ZSWIM3: variants seen among roughly 807,000 people sequenced by gnomAD.
The protein encoded by ZSWIM3 is zinc finger SWIM domain-containing protein 3.
In ZSWIM3, 27 loss-of-function variants were observed where a neutral mutation model predicts 47.5. The ratio of observed to expected loss-of-function variants is 0.57; its 90% CI spans 0.42 to 0.78. The LOEUF is 0.78. Ranked by LOEUF, ZSWIM3 falls within the 30% of genes least tolerant of loss-of-function variation. The pLI is 0.00. For synonymous variants in ZSWIM3, 333 were observed against 333.9 expected (o/e 1.00, Z 0.03); for missense variants, 689 against 861.3 (o/e 0.80, Z 2.50).
intron 1 of ZSWIM3, among the ~76,000 whole-genome samples, chr20:45,869,069 TG>T (rs1457424106): frequency 2.0e-5 from 3 of 152,098 alleles, no homozygotes; most frequent in Admixed American, 6.5e-5. Context: ...CCCAAAGTGC[TG>T]GGATTACAGG....
At chr20:45,873,231 G>T (rs1002488745) in intron 1 of ZSWIM3, among the ~76,000 whole-genome samples, 1 of 152,096 alleles carries the variant, frequency 6.6e-6, no homozygotes, top group African/African-American at 2.4e-5. Context: ...GTGAAACCCC[G>T]TCTCTACTAA....
At chr20:45,873,391 A>G (rs904904301) in intron 1 of ZSWIM3, among the ~76,000 whole-genome samples, 1 of 152,138 alleles carries the variant, frequency 6.6e-6, no homozygotes, top group African/African-American at 2.4e-5. Flanking sequence ...ACAAGAGTGA[A>G]ACGCCATCTC....
At chr20:45,868,187 G>A (rs1985889475) in intron 1 of ZSWIM3, among the ~76,000 whole-genome samples, 1 of 152,132 alleles carries the variant, frequency 6.6e-6, no homozygotes, top group Non-Finnish European at 1.5e-5. Flanking sequence ...AAACTTGTAG[G>A]ACTAGGCGAA....
intron 1 of ZSWIM3, among the ~76,000 whole-genome samples, chr20:45,862,043 A>AATAC (rs1218554644): frequency 6.6e-6 from 1 of 152,156 alleles, no homozygotes; most frequent in Non-Finnish European, 1.5e-5. Flanking sequence ...TAAATAAATA[A>AATAC]AAAGTGTTTT....
intron 1 of ZSWIM3, among the ~76,000 whole-genome samples, chr20:45,870,674 A>G (rs1163775078): frequency 6.6e-6 from 1 of 152,024 alleles, no homozygotes; most frequent in Non-Finnish European, 1.5e-5. Context: ...AAGGTCACAT[A>G]GCTAAGTGGA....
rs1326940443 is a variant in ZSWIM3 at position 45,878,873 on chromosome 20, GT to G, written c.*226del. On this transcript the variant is annotated 3_prime_UTR_variant, in exon 2 of 2. Transcript: ENST00000255152. The stretch of plus-strand genomic sequence containing the variant: ...GCATTCCTTGGGAGCCTCAGTTGTT[GT>G]TCAAGGCCAAAGTTATCTCCGTGCT... 5.4e-6 allele frequency: 3 copies of G among 555,692 alleles called. No individual in the cohort carries two copies. Among genetic ancestry groups the G allele is most frequent in the Non-Finnish European group, 9.1e-6 (3 of 328,162 alleles). 34.4% of individuals were successfully genotyped at this position (555,692 alleles called of 1,614,324 possible).
At chr20:45,867,733 G>A (rs1314946653) in intron 1 of ZSWIM3, among the ~76,000 whole-genome samples, 1 of 152,050 alleles carries the variant, frequency 6.6e-6, no homozygotes, top group African/African-American at 2.4e-5. Flanking sequence ...TTTTTATGAC[G>A]GTTGTTTTTC....
rs559236892 is a variant in ZSWIM3 at position 45,867,860 on chromosome 20, T to C, written c.156-8854T>C. 6.2e-4 allele frequency among the ~76,000 whole-genome samples: 94 copies of C among 152,312 alleles called. No individual in the cohort carries two copies. The South Asian group carries it at 6.4e-3, about 10-fold the overall frequency. ...TTTGTAAACACTTTGTTGGAGCTCATTCCTTCTCTGCTAGGAACTTTACAA... is the reference window on the plus strand; with the variant it reads ...TTTGTAAACACTTTGTTGGAGCTCACTCCTTCTCTGCTAGGAACTTTACAA... On this transcript the variant is annotated intron_variant, in intron 1 of 1. Transcript: ENST00000255152.
At position 45,876,820 on chromosome 20, in the gene ZSWIM3, CTAGA is replaced by C; in HGVS notation, c.267_270del (p.Arg90TyrfsTer6). ...CTTGCTCCTAAGGTACAACGAGAGA[CTAGA>C]TAGACTATTTATCAGTGAACTAAAC... On this transcript the variant is annotated frameshift_variant, in exon 2 of 2. Coordinates refer to ENST00000255152, the MANE Select transcript of ZSWIM3 (RefSeq NM_080752.4). LOFTEE classifies it high-confidence loss of function. 6.2e-7 allele frequency: 1 copy of C among 1,614,168 alleles called. No individual in the cohort carries two copies.
intron 1 of ZSWIM3, among the ~76,000 whole-genome samples, chr20:45,862,368 A>C (rs1985730702): frequency 1.3e-5 from 2 of 151,674 alleles, no homozygotes; most frequent in Non-Finnish European, 2.9e-5. Flanking sequence ...GGAAGGTCTC[A>C]ATCTCCTGAC....
At position 45,878,799 on chromosome 20, in the gene ZSWIM3, C is replaced by G; in HGVS notation, c.*150C>G. ...TGTTACAGTAGAGAGGAAGGGAACT[C>G]CACTGTGTGACAGTCCTTTCAATCT... is the stretch of plus-strand genomic sequence containing the variant. On this transcript the variant is annotated 3_prime_UTR_variant, in exon 2 of 2. Transcript: ENST00000255152. 2 of 1,024,578 alleles carry G rather than the reference C, an allele frequency of 2.0e-6. No homozygotes were observed. Among genetic ancestry groups the G allele is most frequent in the Admixed American group, 2.9e-5 (1 of 34,054 alleles). 63.5% of individuals were successfully genotyped at this position (1,024,578 alleles called of 1,614,324 possible). A position where few individuals can be genotyped will look rare whatever the true frequency, so the allele number is the denominator to read the frequency against.
chr20:45,867,487 G>A (rs1985875715), intron 1 of ZSWIM3, among the ~76,000 whole-genome samples: 1 of 152,152 alleles, frequency 6.6e-6, no homozygotes, highest in Non-Finnish European at 1.5e-5. Context: ...TTTGTCTATA[G>A]TTGATTCCTT....
At chr20:45,858,463 C>A (rs572507951) in intron 1 of ZSWIM3, among the ~76,000 whole-genome samples, 4 of 152,182 alleles carry the variant, frequency 2.6e-5, no homozygotes, top group Middle Eastern at 3.2e-3. Flanking sequence ...GCTCACTGAG[C>A]CTTCAACTGC....
At chr20:45,865,625 T>C (rs1985819799) in intron 1 of ZSWIM3, among the ~76,000 whole-genome samples, 1 of 152,190 alleles carries the variant, frequency 6.6e-6, no homozygotes, top group South Asian at 2.1e-4. Flanking sequence ...AGACTGCCTT[T>C]GCCCTTGACC....
At chr20:45,869,458 G>C (rs577795831) in intron 1 of ZSWIM3, among the ~76,000 whole-genome samples, 171 of 151,802 alleles carry the variant, frequency 1.1e-3, no homozygotes, top group African/African-American at 4.1e-3. Context: ...GGCAGGGGTT[G>C]CAGTGAGGCG....
intron 1 of ZSWIM3, among the ~76,000 whole-genome samples, chr20:45,859,838 C>T (rs950097805): frequency 6.6e-6 from 1 of 150,730 alleles, no homozygotes; most frequent in African/African-American, 2.4e-5. Flanking sequence ...CGTAAACACC[C>T]TTCAGGAAGA....
rs141886372 is a variant in ZSWIM3 at position 45,877,325 on chromosome 20, C to T, written c.767C>T (p.Ala256Val). The T allele has an allele frequency of 3.6e-5, 58 of 1,614,030 alleles. No homozygotes were observed. The highest frequency in any genetic ancestry group is 2.3e-4 in the African/African-American group (17 of 74,922). ...SRVVHFAVLKAETVTSVAKML... is the reference protein window; with the variant it reads ...SRVVHFAVLKVETVTSVAKML... ...GTGGTGCACTTTGCTGTGCTCAAGG[C>T]GGAGACAGTCACCTCTGTGGCCAAG... The change falls in exon 2 of 2, where the codon GCG becomes GTG. Residue 256 changes from alanine to valine, a missense_variant. Transcript: ENST00000255152.
At position 45,877,694 on chromosome 20, in the gene ZSWIM3, T is replaced by C. The variant is rs1203308428; in HGVS notation, c.1136T>C (p.Met379Thr). ...HWFTCELLWY[M>T]HVRKGLLACN... ...TTCACCTGTGAACTGCTGTGGTACA[T>C]GCATGTTAGGAAGGGCCTGCTTGCG... The change falls in exon 2 of 2, where the codon ATG becomes ACG. Residue 379 changes from methionine to threonine, a missense_variant. Met to Thr is a moderately conservative substitution (Grantham distance 81, BLOSUM62 -1). Coordinates refer to ENST00000255152, the MANE Select transcript of ZSWIM3 (RefSeq NM_080752.4). 6.2e-7 allele frequency: 1 copy of C among 1,613,936 alleles called. No homozygotes were observed. Among genetic ancestry groups the C allele is most frequent in the Non-Finnish European group, 8.5e-7 (1 of 1,179,958 alleles).
rs749926800 is a variant in ZSWIM3, at chr20:45,877,870, C to T, written c.1312C>T (p.Pro438Ser). The T allele has an allele frequency of 2.0e-5, 32 of 1,614,074 alleles. No homozygotes were observed. The highest frequency in any genetic ancestry group is 1.1e-5 in the Non-Finnish European group (13 of 1,180,050). The change falls in exon 2 of 2, where the codon CCT becomes TCT. Residue 438 changes from proline to serine, a missense_variant. Physicochemically the swap from Pro to Ser is moderately conservative, Grantham distance 74. Coordinates refer to ENST00000255152, the MANE Select transcript of ZSWIM3 (RefSeq NM_080752.4). ...TKGLKNLPTP[P>S]PKLKRARPAS... is the part of the protein sequence containing the mutation. ...AGGCTTGAAGAACTTGCCCACACCT[C>T]CTCCCAAATTAAAGAGAGCTCGGCC...
Sources: gnomAD v4.1 joint callset for allele counts (sites outside exome capture counted in the v4.1 genomes callset) on GRCh38, gnomAD v4.1.1 for gene constraint, MANE v1.5 for transcripts, NCBI Gene and HGNC (gene_info 2026-07-23, HGNC 2026-07-21) for gene names.